The following HEMK2 variants were observed in gnomAD, a reference collection of about 807,000 sequenced individuals.
HEMK2 encodes HemK methyltransferase 2, ETF1 glutamine and histone H4 lysine, also known as methyltransferase HEMK2.
the HEMK2 span, among the ~76,000 whole-genome samples, chr21:28,863,824 T>C: frequency 6.6e-6 from 1 of 151,978 alleles, no homozygotes; most frequent in Non-Finnish European, 1.5e-5. Flanking sequence ...AAACAGTCTT[T>C]TCTATAATTT....
the HEMK2 span, among the ~76,000 whole-genome samples, chr21:28,772,916 A>G: frequency 2.0e-5 from 3 of 152,196 alleles, no homozygotes; most frequent in Non-Finnish European, 4.4e-5. Context: ...TTCATTTTGC[A>G]TCTGAGGAAA....
the HEMK2 span, chr21:28,878,328 T>G: frequency 1.9e-6 from 3 of 1,612,950 alleles, no homozygotes; most frequent in Non-Finnish European, 2.5e-6. Flanking sequence ...TTCCGTGACT[T>G]CCTACCTGTG....
At chr21:28,605,745 ATATGTG>A in the HEMK2 span, among the ~76,000 whole-genome samples, 1 of 152,204 alleles carries the variant, frequency 6.6e-6, no homozygotes, top group Non-Finnish European at 1.5e-5. Flanking sequence ...TTATGTGTGT[ATATGTG>A]TATATCAAGT....
At chr21:28,653,439 T>C in the HEMK2 span, among the ~76,000 whole-genome samples, 1 of 152,184 alleles carries the variant, frequency 6.6e-6, no homozygotes, top group Admixed American at 6.6e-5. Flanking sequence ...TTGTTCCCAA[T>C]TTAAGGATCC....
At chr21:28,733,245 G>C in the HEMK2 span, among the ~76,000 whole-genome samples, 8 of 152,186 alleles carry the variant, frequency 5.3e-5, no homozygotes, top group African/African-American at 9.6e-5. Flanking sequence ...TGCCACTGCA[G>C]TCCAGCCTGG....
chr21:28,759,767 T>C, the HEMK2 span, among the ~76,000 whole-genome samples: 31 of 152,178 alleles, frequency 2.0e-4, no homozygotes, highest in Admixed American at 3.3e-4. Context: ...TTACTTGGCT[T>C]TCATTCTCTC....
chr21:28,654,131 T>G, the HEMK2 span, among the ~76,000 whole-genome samples: 1 of 152,232 alleles, frequency 6.6e-6, no homozygotes, highest in African/African-American at 2.4e-5. Context: ...TGAGAAAACA[T>G]GTGGATTTGA....
the HEMK2 span, among the ~76,000 whole-genome samples, chr21:28,825,571 C>T: frequency 6.6e-6 from 1 of 152,206 alleles, no homozygotes; most frequent in African/African-American, 2.4e-5. Flanking sequence ...ATAAACAAAA[C>T]AGGAGCTCCA....
the HEMK2 span, among the ~76,000 whole-genome samples, chr21:28,776,890 C>A: frequency 6.6e-6 from 1 of 152,128 alleles, no homozygotes; most frequent in East Asian, 1.9e-4. Flanking sequence ...TTAGATGGTA[C>A]CCTCCCAGAT....
chr21:28,812,737 G>T, the HEMK2 span, among the ~76,000 whole-genome samples: 1 of 152,164 alleles, frequency 6.6e-6, no homozygotes, highest in African/African-American at 2.4e-5. Context: ...TGTACCTCTG[G>T]TAGAATTCAG....
chr21:28,789,647 T>C, the HEMK2 span, among the ~76,000 whole-genome samples: 1 of 152,158 alleles, frequency 6.6e-6, no homozygotes, highest in African/African-American at 2.4e-5. Flanking sequence ...TACTTAAAGT[T>C]TGACACAAAA....
At chr21:28,836,808 G>GC in the HEMK2 span, among the ~76,000 whole-genome samples, 1 of 137,590 alleles carries the variant, frequency 7.3e-6, no homozygotes, top group East Asian at 2.2e-4. Context: ...AAGTAAAGCG[G>GC]TTAAAAAAAA....
chr21:28,640,754 C>A, the HEMK2 span, among the ~76,000 whole-genome samples: 1 of 152,134 alleles, frequency 6.6e-6, no homozygotes, highest in Non-Finnish European at 1.5e-5. Flanking sequence ...TCTCATCTGC[C>A]CAGCTGCCTT....
the HEMK2 span, among the ~76,000 whole-genome samples, chr21:28,830,578 A>T: frequency 9.2e-5 from 14 of 152,156 alleles, no homozygotes; most frequent in East Asian, 3.9e-4. Flanking sequence ...TTTATTTTTT[A>T]AAAAAATGTA....
At chr21:28,618,443 C>T in the HEMK2 span, among the ~76,000 whole-genome samples, 1 of 152,132 alleles carries the variant, frequency 6.6e-6, no homozygotes, top group African/African-American at 2.4e-5. Context: ...GTTTATTTTA[C>T]ACTTCTAAAT....
chr21:28,758,812 G>A, the HEMK2 span, among the ~76,000 whole-genome samples: 5 of 152,102 alleles, frequency 3.3e-5, no homozygotes, highest in African/African-American at 1.2e-4. Context: ...GAATAGGCTG[G>A]AGCTCAGTGA....
the HEMK2 span, among the ~76,000 whole-genome samples, chr21:28,866,538 C>A: frequency 0.84 from 127,488 of 152,040 alleles, 53,908 homozygotes; most frequent in South Asian, 0.93. Context: ...TCAAAATACA[C>A]GAATTAGCCA....
At chr21:28,710,645 G>C in the HEMK2 span, among the ~76,000 whole-genome samples, 3 of 152,162 alleles carry the variant, frequency 2.0e-5, no homozygotes, top group East Asian at 5.8e-4. Flanking sequence ...GCCAGTGCTG[G>C]GGAGTGAGGA....
At chr21:28,741,503 T>TA in the HEMK2 span, among the ~76,000 whole-genome samples, 11 of 152,176 alleles carry the variant, frequency 7.2e-5, no homozygotes, top group Non-Finnish European at 1.3e-4. Flanking sequence ...CCCAGGTTAT[T>TA]AAGCCTAGTA....
Sources: allele counts gnomAD v4.1 joint callset (sites outside exome capture counted in the v4.1 genomes callset), GRCh38; gene constraint gnomAD v4.1.1; transcripts MANE v1.5; gene names NCBI Gene and HGNC (gene_info 2026-07-23, HGNC 2026-07-21).